Variants in EPHB2 observed in about 807,000 individuals in gnomAD.
EPHB2 encodes the protein EPH receptor B2.
EPHB2 carries 18 observed loss-of-function variants against 96.4 expected under a neutral mutation model. The observed-to-expected ratio is 0.19, with a 90% CI of 0.13 to 0.28. The LOEUF is 0.28. Ranked by LOEUF, EPHB2 falls within the 10% of genes least tolerant of loss-of-function variation. The probability of loss-of-function intolerance (pLI) is 1.00; values close to 1 mark genes in which losing one functional copy is unlikely to be tolerated. For synonymous variants in EPHB2, 506 were observed against 534.1 expected (o/e 0.95, Z 0.72); for missense variants, 989 against 1,355.4 (o/e 0.73, Z 4.25).
intron 1 of EPHB2, among the ~76,000 whole-genome samples, chr1:22,717,435 C>T (rs1643322665): frequency 6.6e-6 from 1 of 152,178 alleles, no homozygotes; most frequent in Non-Finnish European, 1.5e-5. Flanking sequence ...CTAGGACACC[C>T]TCACTAGGTG....
intron 3 of EPHB2, among the ~76,000 whole-genome samples, chr1:22,856,528 G>T (rs1388520694): frequency 2.0e-5 from 3 of 152,206 alleles, no homozygotes; most frequent in East Asian, 1.9e-4. Flanking sequence ...GGCCTGACAA[G>T]ATGGTGTCCA....
chr1:22,822,419 A>G (rs1378057312), intron 3 of EPHB2, among the ~76,000 whole-genome samples: 1 of 152,222 alleles, frequency 6.6e-6, no homozygotes, highest in Non-Finnish European at 1.5e-5. Flanking sequence ...CAAAAGTGGC[A>G]ATGTTAATAT....
At chr1:22,882,768 G>A (rs1465228473) in intron 6 of EPHB2, 4 of 393,922 alleles carry the variant, frequency 1.0e-5, no homozygotes, top group Middle Eastern at 8.5e-4. Context: ...TCCCTACCAC[G>A]ACCCTTTCAT....
In EPHB2 at chr1:22,875,289, G is replaced by C. The variant is rs927606676; in HGVS notation, c.1304-7070G>C. Among the ~76,000 whole-genome samples the C allele has an allele frequency of 9.9e-5, 15 of 152,218 alleles. No individual in the cohort carries two copies. The highest frequency in any genetic ancestry group is 3.8e-4 in the East Asian group (2 of 5,200). On this transcript the variant is annotated intron_variant, in intron 5 of 15. Coordinates refer to ENST00000374630, the MANE Select transcript of EPHB2 (RefSeq NM_017449.5). This position sits in a 1 kb window ranked among gnomAD's most constrained non-coding sequence, Gnocchi z 4.2. ...AACACTCAAAAAGCAGCTGTCCCAT[G>C]ATGAGCTGGGAATTCTAAGAGTCCC...
In EPHB2 at chr1:22,863,010, G is replaced by A. The variant is rs6679387; in HGVS notation, c.812-27G>A. On this transcript the variant is annotated intron_variant, in intron 3 of 15. Transcript: ENST00000374630. ...TCTCTGAGTCTTCATCCAGTTTCCTGGTGACTCTCCTTGTCTTCTCTCTCA... is the reference window on the plus strand; with the variant it reads ...TCTCTGAGTCTTCATCCAGTTTCCTAGTGACTCTCCTTGTCTTCTCTCTCA... The A allele has an allele frequency of 2.3e-3, 3,689 of 1,613,772 alleles. 65 individuals are homozygous for A. In the African/African-American group the frequency reaches 0.039, roughly 17 times the overall value.
chr1:22,771,366 G>A (rs977684519), intron 1 of EPHB2, among the ~76,000 whole-genome samples: 4 of 152,212 alleles, frequency 2.6e-5, no homozygotes, highest in South Asian at 2.1e-4. Context: ...ACATGTCTGA[G>A]TGTCCTAGGC....
chr1:22,893,125 G>GCAC, intron 7 of EPHB2, 79 bp downstream of exon 7: 1 of 1,607,942 alleles, frequency 6.2e-7, no homozygotes, highest in Non-Finnish European at 8.5e-7. Context: ...TTCTCATGAA[G>GCAC]CACCTTTGTG....
intron 9 of EPHB2, among the ~76,000 whole-genome samples, chr1:22,897,354 A>G (rs1396317197): frequency 1.3e-5 from 2 of 152,058 alleles, no homozygotes; most frequent in African/African-American, 4.8e-5. Flanking sequence ...CTCAAACTGT[A>G]CTCAGTGTGA....
intron 3 of EPHB2, among the ~76,000 whole-genome samples, chr1:22,811,734 T>C (rs1173633484): frequency 6.6e-6 from 1 of 152,236 alleles, no homozygotes; most frequent in Non-Finnish European, 1.5e-5. Context: ...GAGTCAGGCC[T>C]GGGCTTAAAA....
chr1:22,732,531 CAGTGCGCGTGTGCA>C (rs1351695133), intron 1 of EPHB2, among the ~76,000 whole-genome samples: 1 of 152,244 alleles, frequency 6.6e-6, no homozygotes, highest in Non-Finnish European at 1.5e-5. Flanking sequence ...TCCACACCCT[CAGTGCGCGTGTGCA>C]CACAGATATA....
At chr1:22,787,097 C>A (rs2148428316) in intron 3 of EPHB2, among the ~76,000 whole-genome samples, 1 of 152,346 alleles carries the variant, frequency 6.6e-6, no homozygotes, top group South Asian at 2.1e-4. Flanking sequence ...AAGAATCAGA[C>A]TGTGGCTCTG....
intron 3 of EPHB2, among the ~76,000 whole-genome samples, chr1:22,785,506 G>A (rs1028594098): frequency 1.3e-5 from 2 of 152,236 alleles, no homozygotes; most frequent in African/African-American, 4.8e-5. Flanking sequence ...CAATGCTGAA[G>A]TGACCAAACA....
chr1:22,718,982 C>T (rs1643366305), intron 1 of EPHB2, among the ~76,000 whole-genome samples: 2 of 152,170 alleles, frequency 1.3e-5, no homozygotes, highest in Non-Finnish European at 2.9e-5. Flanking sequence ...GTCCAGCTTC[C>T]AGCTCCATCA....
intron 14 of EPHB2, 29 bp from the exon 15 acceptor site, chr1:22,912,415 C>T (rs375677119): frequency 3.6e-5 from 58 of 1,613,364 alleles, no homozygotes; most frequent in Non-Finnish European, 4.7e-5. Flanking sequence ...GGTGCCCTGA[C>T]CATCTCTGTC....
chr1:22,806,785 C>T (rs1644933480), intron 3 of EPHB2, among the ~76,000 whole-genome samples: 1 of 152,272 alleles, frequency 6.6e-6, no homozygotes, highest in Non-Finnish European at 1.5e-5. Context: ...CCTGCACTGC[C>T]TCCAACCTCC....
At chr1:22,783,389 G>A (rs906927307) in intron 2 of EPHB2, among the ~76,000 whole-genome samples, 2 of 152,218 alleles carry the variant, frequency 1.3e-5, no homozygotes, top group African/African-American at 4.8e-5. Flanking sequence ...AAGGGGGCAC[G>A]GGAGAAGGAC....
intron 1 of EPHB2, among the ~76,000 whole-genome samples, chr1:22,774,169 A>G (rs1445604479): frequency 1.3e-5 from 2 of 152,124 alleles, no homozygotes; most frequent in East Asian, 3.9e-4. Flanking sequence ...TGCCTTTCCA[A>G]ATTTCCTGCT....
At chr1:22,852,744 C>T (rs1360203608) in intron 3 of EPHB2, among the ~76,000 whole-genome samples, 1 of 152,214 alleles carries the variant, frequency 6.6e-6, no homozygotes, top group Non-Finnish European at 1.5e-5. Context: ...ATGAAAGTCC[C>T]GGTTGCTCCG....
intron 1 of EPHB2, among the ~76,000 whole-genome samples, chr1:22,765,381 T>G (rs1644293486): frequency 6.6e-6 from 1 of 151,846 alleles, no homozygotes; most frequent in African/African-American, 2.4e-5. Context: ...ACCCCATCTG[T>G]ACCAAAAATA....
Sources: allele counts gnomAD v4.1 joint callset (sites outside exome capture counted in the v4.1 genomes callset), GRCh38; gene constraint gnomAD v4.1.1; non-coding constraint Gnocchi (gnomAD v3.1); transcripts MANE v1.5; gene names NCBI Gene and HGNC (gene_info 2026-07-23, HGNC 2026-07-21).